The following LUZP2 variants were observed in gnomAD, a reference collection of about 807,000 sequenced individuals.
The protein encoded by LUZP2 is leucine zipper protein 2.
In LUZP2, 52 loss-of-function variants were observed where a neutral mutation model predicts 51.6. The observed-to-expected ratio is 1.01, with a 90% CI of 0.81 to 1.27. LUZP2 has a LOEUF of 1.27. LUZP2 is among the 50% of genes most tolerant of loss of function. LUZP2 has a pLI of 0.00. For synonymous variants in LUZP2, 154 were observed against 137.3 expected (o/e 1.12, Z -0.85); for missense variants, 436 against 395.4 (o/e 1.10, Z -0.87).
intron 1 of LUZP2, among the ~76,000 whole-genome samples, chr11:24,613,297 T>A (rs1023121701): frequency 1.3e-5 from 2 of 152,026 alleles, no homozygotes; most frequent in Non-Finnish European, 2.9e-5. Flanking sequence ...TACTTGTGAA[T>A]GCAGGTGTGT....
At chr11:24,857,886 T>C (rs560178209) in intron 5 of LUZP2, among the ~76,000 whole-genome samples, 1 of 152,276 alleles carries the variant, frequency 6.6e-6, no homozygotes, top group South Asian at 2.1e-4. Flanking sequence ...ATATTACAGT[T>C]ATCTTCATTG....
chr11:24,687,323 A>C (rs1856926749), intron 1 of LUZP2, among the ~76,000 whole-genome samples: 1 of 152,224 alleles, frequency 6.6e-6, no homozygotes. Context: ...TGAATTTCAA[A>C]AGTAGGGAAA....
intron 1 of LUZP2, among the ~76,000 whole-genome samples, chr11:24,699,952 A>T (rs1487503406): frequency 6.6e-6 from 1 of 151,144 alleles, no homozygotes; most frequent in African/African-American, 2.4e-5. Flanking sequence ...CCTGTCAATG[A>T]GGGAGGATAG....
intron 5 of LUZP2, among the ~76,000 whole-genome samples, chr11:24,806,920 CA>C (rs1287721771): frequency 7.7e-6 from 1 of 129,760 alleles, no homozygotes; most frequent in African/African-American, 2.9e-5. Context: ...AAAAAAAAAT[CA>C]AAAAATTAGA....
intron 7 of LUZP2, among the ~76,000 whole-genome samples, chr11:24,956,822 T>C (rs1295547236): frequency 6.6e-6 from 1 of 152,076 alleles, no homozygotes; most frequent in East Asian, 1.9e-4. Flanking sequence ...GAGTTGATGA[T>C]CAGCTATTTC....
rs140777604 is a variant in LUZP2, at chr11:24,794,758, C to A, written c.396+31450C>A. ...TTCTAATTTATTCTCTCATAAGTTT[C>A]TTTCAAGACTGAAATGAAGTGTGGT... On this transcript the variant is annotated intron_variant, in intron 5 of 11. Coordinates refer to ENST00000336930, the MANE Select transcript of LUZP2 (RefSeq NM_001009909.4). 3.5e-3 allele frequency among the ~76,000 whole-genome samples: 533 copies of A among 152,032 alleles called. 2 individuals carry two copies. The highest frequency in any genetic ancestry group is 0.011 in the African/African-American group (454 of 41,484).
intron 7 of LUZP2, among the ~76,000 whole-genome samples, chr11:24,916,689 A>G (rs913447052): frequency 1.3e-5 from 2 of 152,168 alleles, no homozygotes; most frequent in Admixed American, 1.3e-4. Flanking sequence ...GCTGCATAGT[A>G]TTCCATGGTG....
intron 1 of LUZP2, among the ~76,000 whole-genome samples, chr11:24,537,368 C>A (rs1851208945): frequency 6.6e-6 from 1 of 151,852 alleles, no homozygotes; most frequent in South Asian, 2.1e-4. Flanking sequence ...TAACTTTGTA[C>A]TGAGCTTCTT....
chr11:24,699,661 A>ATG (rs1446498222), intron 1 of LUZP2, among the ~76,000 whole-genome samples: 1 of 147,772 alleles, frequency 6.8e-6, no homozygotes, highest in East Asian at 2.0e-4. Flanking sequence ...GGCCATATAT[A>ATG]TATATACACA....
At chr11:25,075,932 G>C (rs111901740) in intron 10 of LUZP2, among the ~76,000 whole-genome samples, 2,355 of 151,848 alleles carry the variant, frequency 0.016, 34 homozygotes, top group South Asian at 0.071. Context: ...CTGATTCATC[G>C]CTTGGAAATA....
At chr11:24,646,219 T>G (rs956314310) in intron 1 of LUZP2, among the ~76,000 whole-genome samples, 5 of 152,094 alleles carry the variant, frequency 3.3e-5, no homozygotes, top group African/African-American at 4.8e-5. Context: ...AGAAGCACAG[T>G]GTGCGTGTAA....
At chr11:24,507,638 C>T (rs573509922) in intron 1 of LUZP2, among the ~76,000 whole-genome samples, 6 of 151,958 alleles carry the variant, frequency 3.9e-5, no homozygotes, top group Non-Finnish European at 8.8e-5. Context: ...TTCTCTCCCT[C>T]CCTAGCTTTT....
At chr11:24,598,944 G>T (rs1853533993) in intron 1 of LUZP2, among the ~76,000 whole-genome samples, 1 of 152,076 alleles carries the variant, frequency 6.6e-6, no homozygotes, top group Admixed American at 6.6e-5. Flanking sequence ...TATTCAAACG[G>T]CCAAATGTTT....
intron 8 of LUZP2, among the ~76,000 whole-genome samples, chr11:24,978,075 G>A (rs1855929143): frequency 2.0e-5 from 3 of 151,464 alleles, no homozygotes. Flanking sequence ...TGTAAGGAAA[G>A]GAGCTTACCT....
intron 1 of LUZP2, among the ~76,000 whole-genome samples, chr11:24,725,261 C>A: frequency 6.6e-6 from 1 of 151,582 alleles, no homozygotes; most frequent in African/African-American, 2.4e-5. Flanking sequence ...CAAATGAATC[C>A]GAATACAGAA....
At chr11:24,868,712 T>C (rs1030959946) in intron 5 of LUZP2, among the ~76,000 whole-genome samples, 3 of 152,156 alleles carry the variant, frequency 2.0e-5, no homozygotes, top group African/African-American at 7.2e-5. Flanking sequence ...TTAACATAAA[T>C]TAAAAATCTC....
chr11:24,967,302 T>C (rs1855612867), intron 7 of LUZP2, among the ~76,000 whole-genome samples: 2 of 151,968 alleles, frequency 1.3e-5, no homozygotes, highest in Non-Finnish European at 2.9e-5. Context: ...ATTATAAGAA[T>C]ATTAAATCTC....
rs1007217666 is a variant in LUZP2 at position 24,897,026 on chromosome 11, C to T, written c.397-8965C>T. Among the ~76,000 whole-genome samples the T allele has an allele frequency of 2.0e-4, 30 of 152,284 alleles. 1 individual carries two copies. The highest frequency in any genetic ancestry group is 7.2e-4 in the African/African-American group (30 of 41,542). On this transcript the variant is annotated intron_variant, in intron 5 of 11. Coordinates refer to ENST00000336930, the MANE Select transcript of LUZP2 (RefSeq NM_001009909.4). ...CAAGGTGTGTAAACGCACCAATCAT[C>T]ACCCTGTGTCTAGCTCAAGATTTGT...
At chr11:24,977,466 C>T (rs1348246727) in intron 8 of LUZP2, among the ~76,000 whole-genome samples, 1 of 151,382 alleles carries the variant, frequency 6.6e-6, no homozygotes, top group Non-Finnish European at 1.5e-5. Context: ...GATACAATTG[C>T]GTTTGGGGAA....
Sources: allele counts gnomAD v4.1 joint callset (sites outside exome capture counted in the v4.1 genomes callset), GRCh38; gene constraint gnomAD v4.1.1; transcripts MANE v1.5; gene names NCBI Gene and HGNC (gene_info 2026-07-23, HGNC 2026-07-21).